Variants in AIMP2 observed in about 807,000 individuals in gnomAD.
AIMP2 encodes aminoacyl tRNA synthetase complex interacting multifunctional protein 2, also known as aminoacyl tRNA synthase complex-interacting multifunctional protein 2.
In AIMP2, 20 loss-of-function variants were observed where a neutral mutation model predicts 23.4. That is an observed-to-expected ratio of 0.85 (90% confidence interval 0.60 to 1.24). AIMP2 has a LOEUF of 1.24. Ranked by LOEUF, AIMP2 falls within the 50% of genes most tolerant of loss-of-function variation. The pLI is 0.00. For synonymous variants in AIMP2, 210 were observed against 170.4 expected, an observed-to-expected ratio of 1.23 and a Z score of -1.81; for missense variants, 515 against 414.5, an observed-to-expected ratio of 1.24 and a Z score of -2.10.
intron 1 of AIMP2, among the ~76,000 whole-genome samples, chr7:6,009,719 G>T (rs966275814): frequency 2.6e-5 from 4 of 151,844 alleles, no homozygotes; most frequent in African/African-American, 9.6e-5. Flanking sequence ...GGGAGGCCGA[G>T]GCGGGCGGAT....
chr7:6,021,473 G>A (rs150355608), intron 3 of AIMP2, among the ~76,000 whole-genome samples: 2 of 152,152 alleles, frequency 1.3e-5, no homozygotes, highest in Non-Finnish European at 2.9e-5. Context: ...ATTCCTCCTG[G>A]AGAAACCTGT....
In AIMP2 at chr7:6,017,862, C is replaced by T; in HGVS notation, c.391C>T (p.Pro131Ser). The part of the protein sequence containing the change: ...DIVINANPAS[P>S]PLSLLVLHRL... ...CGTGATCAACGCAAACCCGGCCTCC[C>T]CTCCCCTCTCCCTGCTTGTGCTGCA... Residue 131 changes from proline (P) to serine (S), a missense_variant, in exon 3 of 4, where the codon CCT becomes TCT. Coordinates refer to ENST00000223029, the MANE Select transcript of AIMP2 (RefSeq NM_006303.4). 4.3e-6 allele frequency: 7 copies of T among 1,614,084 alleles called. No individual in the cohort carries two copies. Among genetic ancestry groups the T allele is most frequent in the Non-Finnish European group, 5.9e-6 (7 of 1,180,020 alleles).
At chr7:6,009,970 A>ATATACAT (rs1170519704) in intron 1 of AIMP2, among the ~76,000 whole-genome samples, 1 of 34,618 alleles carries the variant, frequency 2.9e-5, no homozygotes, top group African/African-American at 1.0e-4. Context: ...AAAAAAAAAA[A>ATATACAT]AAAAATATAT....
chr7:6,018,373 C>T (rs1333736317), intron 3 of AIMP2, among the ~76,000 whole-genome samples: 2 of 150,690 alleles, frequency 1.3e-5, no homozygotes, highest in East Asian at 4.0e-4. Flanking sequence ...TGGTCTCAAA[C>T]TCCTGACCTC....
intron 3 of AIMP2, among the ~76,000 whole-genome samples, chr7:6,018,945 A>G (rs1787206557): frequency 6.8e-6 from 1 of 146,674 alleles, no homozygotes; most frequent in Non-Finnish European, 1.5e-5. Flanking sequence ...ATCTATTTTA[A>G]AAAGTTAAAA....
Position 6,017,868 on chromosome 7 carries a change from C to G in AIMP2, c.397C>G (p.Leu133Val). The change falls in exon 3 of 4, where the codon CTC becomes GTC. Residue 133 changes from leucine to valine, a missense_variant. Leu to Val is a conservative substitution (Grantham distance 32). Transcript: ENST00000223029. ...CAACGCAAACCCGGCCTCCCCTCCC[C>G]TCTCCCTGCTTGTGCTGCACAGGCT... ...VINANPASPP[L>V]SLLVLHRLLC... 2 of 1,614,142 alleles carry G rather than the reference C, an allele frequency of 1.2e-6. No homozygotes were observed. Among genetic ancestry groups the G allele is most frequent in the Non-Finnish European group, 8.5e-7 (1 of 1,180,028 alleles).
rs367931587 is a variant in AIMP2 at position 6,023,592 on chromosome 7, C to T, written c.864C>T (p.Ile288=). Residue 288 remains isoleucine (I), a synonymous_variant, in exon 4 of 4, where the codon ATC becomes ATT. Transcript: ENST00000223029. ...TGCTGTGGTCTGTACTCCAGCAGAT[C>T]GGAGGCTGCAGTGTGACAGTGCCAG... is the stretch of plus-strand genomic sequence containing the variant. ...DVVLWSVLQQ[I]GGCSVTVPAN... is the part of the protein sequence containing the mutation. 1.7e-5 allele frequency: 27 copies of T among 1,614,066 alleles called. No homozygotes were observed. In the African/African-American group the frequency reaches 2.3e-4, roughly 14 times the overall value.
chr7:6,012,267 GAAAA>G (rs1251725811), intron 1 of AIMP2, among the ~76,000 whole-genome samples: 5 of 146,228 alleles, frequency 3.4e-5, no homozygotes, highest in East Asian at 2.1e-4. Flanking sequence ...AAAAAAAAAA[GAAAA>G]AAAGCAATCA....
At chr7:6,022,956 A>T (rs1787541172) in intron 3 of AIMP2, 1 of 239,930 alleles carries the variant, frequency 4.2e-6, no homozygotes, top group Middle Eastern at 1.5e-3. Context: ...GGCGATTATG[A>T]GGCCAAGAGC....
chr7:6,014,294 G>A (rs1179271448), intron 1 of AIMP2, among the ~76,000 whole-genome samples: 2 of 110,028 alleles, frequency 1.8e-5, no homozygotes, highest in African/African-American at 3.6e-5. Flanking sequence ...GTCTTGCTCT[G>A]TCGCCCAGGC....
intron 1 of AIMP2, among the ~76,000 whole-genome samples, chr7:6,014,673 A>G (rs1399810615): frequency 2.6e-5 from 4 of 151,996 alleles, no homozygotes; most frequent in Non-Finnish European, 4.4e-5. Context: ...TTTACTTTGT[A>G]ATTAAGGCTT....
chr7:6,020,713 T>A (rs1320791872), intron 3 of AIMP2, among the ~76,000 whole-genome samples: 1 of 151,974 alleles, frequency 6.6e-6, no homozygotes, highest in South Asian at 2.1e-4. Context: ...ATGGAGGAGA[T>A]GGGATACCTG....
chr7:6,022,038 C>T (rs7811724), intron 3 of AIMP2, among the ~76,000 whole-genome samples: 74,024 of 151,862 alleles, frequency 0.49, 18,480 homozygotes, highest in East Asian at 0.8. Context: ...TGAAGACCTT[C>T]ATGATGATCC....
At chr7:6,012,152 C>A (rs1322850603) in intron 1 of AIMP2, among the ~76,000 whole-genome samples, 2 of 151,586 alleles carry the variant, frequency 1.3e-5, no homozygotes, top group Non-Finnish European at 2.9e-5. Flanking sequence ...ACTCAGGAGG[C>A]TGAGGTGGGA....
At chr7:6,021,130 C>T (rs1179672517) in intron 3 of AIMP2, among the ~76,000 whole-genome samples, 2 of 152,122 alleles carry the variant, frequency 1.3e-5, no homozygotes, top group Admixed American at 1.3e-4. Context: ...TCAAAGTCGT[C>T]TACTTGCCCC....
At chr7:6,018,959 A>G (rs1787207297) in intron 3 of AIMP2, among the ~76,000 whole-genome samples, 1 of 132,088 alleles carries the variant, frequency 7.6e-6, no homozygotes, top group Admixed American at 7.8e-5. Context: ...GTTAAAATGT[A>G]TCAAACCTTA....
chr7:6,012,778 C>T lies in AIMP2; in HGVS notation c.136-2368C>T, dbSNP rs1040525173. ...TTCATCATGTTGTCCTCTCGAACTCCTGACCTCAAGTGATCCACCCGCCTC... is the reference window on the plus strand; with the variant it reads ...TTCATCATGTTGTCCTCTCGAACTCTTGACCTCAAGTGATCCACCCGCCTC... On this transcript the variant is annotated intron_variant, in intron 1 of 3. Transcript: ENST00000223029. 4 of 975,704 alleles carry T rather than the reference C, an allele frequency of 4.1e-6. No individual in the cohort carries two copies. The South Asian group carries it at 6.7e-5, about 16-fold the overall frequency. The allele number at this position is 975,704 out of a possible 1,614,324, so 60.4% of individuals were successfully genotyped here. A position where few individuals can be genotyped will look rare whatever the true frequency, so the allele number is the denominator to read the frequency against.
chr7:6,021,723 T>C (rs1413252614), intron 3 of AIMP2, among the ~76,000 whole-genome samples: 1 of 152,076 alleles, frequency 6.6e-6, no homozygotes, highest in African/African-American at 2.4e-5. Flanking sequence ...GAAAACAGAT[T>C]TCCATTAGAC....
chr7:6,016,609 G>A (rs1019472068), intron 2 of AIMP2, among the ~76,000 whole-genome samples: 2 of 152,188 alleles, frequency 1.3e-5, no homozygotes, highest in Admixed American at 1.3e-4. Context: ...AAGACCCTGA[G>A]TCATTTCTCA....
Sources: allele counts gnomAD v4.1 joint callset (sites outside exome capture counted in the v4.1 genomes callset), GRCh38; gene constraint gnomAD v4.1.1; transcripts MANE v1.5; gene names NCBI Gene and HGNC (gene_info 2026-07-23, HGNC 2026-07-21).